The following AMN1 variants were observed in gnomAD, a reference collection of about 807,000 sequenced individuals.
AMN1 encodes antagonist of mitotic exit network 1 homolog.
AMN1 carries 20 observed loss-of-function variants against 33.0 expected under a neutral mutation model. The ratio of observed to expected loss-of-function variants is 0.61; its 90% confidence interval spans 0.43 to 0.88. The LOEUF is 0.88. Among genes scored for constraint, AMN1 ranks in the 40% least tolerant of loss-of-function variants. AMN1 has a pLI of 0.00. For synonymous variants in AMN1, 114 were observed against 111.9 expected, an observed-to-expected ratio of 1.02 and a Z score of -0.12; for missense variants, 246 against 307.4, an observed-to-expected ratio of 0.80 and a Z score of 1.49.
At chr12:31,700,316 T>C (rs1012637337) in intron 3 of AMN1, among the ~76,000 whole-genome samples, 1 of 152,068 alleles carries the variant, frequency 6.6e-6, no homozygotes, top group Non-Finnish European at 1.5e-5. Flanking sequence ...TGAGCCAAGA[T>C]TGTGCCACTG....
Position 31,697,405 on chromosome 12 carries a change from C to A in AMN1, c.547G>T (p.Gly183Cys). The A allele has an allele frequency of 6.2e-7, 1 of 1,612,860 alleles. No homozygotes were observed. The part of the protein sequence containing the change: ...DFSATQVSDS[G>C]VIALVSGPCA... The stretch of plus-strand genomic sequence containing the variant: ...GGTCCACTAACAAGTGCAATCACAC[C>A]ACTGTCAGATACCTAAGCAAAGGGA... Residue 183 changes from glycine to cysteine, a missense_variant, in exon 5 of 7, where the codon GGT (glycine) becomes TGT (cysteine). Coordinates refer to ENST00000281471, the MANE Select transcript of AMN1 (RefSeq NM_001113402.2).
At chr12:31,727,175 G>C (rs770830229) in intron 1 of AMN1, among the ~76,000 whole-genome samples, 2 of 152,080 alleles carry the variant, frequency 1.3e-5, no homozygotes, top group African/African-American at 4.8e-5. Context: ...TTTTCTAACA[G>C]CTGCATAATA....
intron 1 of AMN1, among the ~76,000 whole-genome samples, chr12:31,715,962 C>T (rs537669737): frequency 6.6e-6 from 1 of 152,310 alleles, no homozygotes; most frequent in East Asian, 1.9e-4. Flanking sequence ...TGACAGGTTT[C>T]CTTTTTGTAA....
chr12:31,698,228 CAA>C (rs1217728707), intron 3 of AMN1, among the ~76,000 whole-genome samples: 1 of 152,152 alleles, frequency 6.6e-6, no homozygotes, highest in Admixed American at 6.5e-5. Flanking sequence ...AGGAAATAGG[CAA>C]AAGTCATTCA....
chr12:31,709,098 C>A, intron 2 of AMN1, 195 bp downstream of exon 2: 1 of 653,502 alleles, frequency 1.5e-6, no homozygotes, highest in Admixed American at 2.1e-5. Flanking sequence ...TCACCTAAGT[C>A]CAGGCAGCGG....
At chr12:31,678,203 G>A (rs1410413080) in intron 6 of AMN1, among the ~76,000 whole-genome samples, 2 of 151,886 alleles carry the variant, frequency 1.3e-5, no homozygotes, top group Admixed American at 6.6e-5. Flanking sequence ...CTCCCTTTTC[G>A]TATAGGACTG....
At chr12:31,723,667 C>G (rs1033929791) in intron 1 of AMN1, among the ~76,000 whole-genome samples, 1 of 152,180 alleles carries the variant, frequency 6.6e-6, no homozygotes, top group Non-Finnish European at 1.5e-5. Flanking sequence ...ATGTTTCACA[C>G]CCCTTATCAT....
At chr12:31,726,408 G>C (rs1240050259) in intron 1 of AMN1, among the ~76,000 whole-genome samples, 1 of 152,202 alleles carries the variant, frequency 6.6e-6, no homozygotes, top group Admixed American at 6.5e-5. Context: ...TGATCCACCT[G>C]CCTCAGCCTT....
chr12:31,712,535 C>T (rs540570331), intron 1 of AMN1, among the ~76,000 whole-genome samples: 13 of 152,216 alleles, frequency 8.5e-5, no homozygotes, highest in African/African-American at 1.4e-4. Context: ...CATGAGCCAC[C>T]GTACCCAGCA....
At chr12:31,726,207 A>G (rs997631764) in intron 1 of AMN1, among the ~76,000 whole-genome samples, 1 of 150,394 alleles carries the variant, frequency 6.6e-6, no homozygotes, top group Non-Finnish European at 1.5e-5. Context: ...TGTTGCCCAA[A>G]CTGGAGTGCA....
chr12:31,703,367 G>A (rs1939091383), intron 2 of AMN1, among the ~76,000 whole-genome samples: 1 of 152,210 alleles, frequency 6.6e-6, no homozygotes, highest in Non-Finnish European at 1.5e-5. Flanking sequence ...GCATGATGCT[G>A]AAGTTTAGGC....
At chr12:31,680,018 G>A (rs930662271) in intron 6 of AMN1, among the ~76,000 whole-genome samples, 6 of 150,906 alleles carry the variant, frequency 4.0e-5, no homozygotes, top group African/African-American at 1.5e-4. Flanking sequence ...CCCAACTCAG[G>A]AGGCTGAGAC....
At chr12:31,689,329 T>C (rs1938403884) in intron 5 of AMN1, among the ~76,000 whole-genome samples, 1 of 152,196 alleles carries the variant, frequency 6.6e-6, no homozygotes, top group Non-Finnish European at 1.5e-5. Context: ...TAATGTGTAA[T>C]AGCTATTAAA....
intron 2 of AMN1, among the ~76,000 whole-genome samples, chr12:31,704,957 T>C (rs1355176179): frequency 1.3e-5 from 2 of 152,232 alleles, no homozygotes; most frequent in Admixed American, 6.5e-5. Flanking sequence ...AGTGTCATTA[T>C]GGTTCATCTA....
At chr12:31,714,903 C>T (rs1340060762) in intron 1 of AMN1, 3 of 983,968 alleles carry the variant, frequency 3.0e-6, no homozygotes, top group Non-Finnish European at 3.6e-6. Context: ...GAAGTCACTG[C>T]CACCAACAAC....
chr12:31,708,557 G>C (rs963508755), intron 2 of AMN1: 1 of 153,442 alleles, frequency 6.5e-6, no homozygotes, highest in African/African-American at 2.4e-5. Context: ...AGAAGCATGT[G>C]ATCTTTGCTC....
At chr12:31,682,074 A>G (rs1366371686) in intron 6 of AMN1, among the ~76,000 whole-genome samples, 2 of 152,224 alleles carry the variant, frequency 1.3e-5, no homozygotes, top group Non-Finnish European at 2.9e-5. Context: ...GGGTAATCAA[A>G]AAAGTGTTCT....
rs79862971 is a variant in AMN1 at position 31,687,459 on chromosome 12, G to A, written c.703+1548C>T. Among the ~76,000 whole-genome samples the A allele has an allele frequency of 1.3e-5, 2 of 152,144 alleles. No homozygotes were observed. The highest frequency in any genetic ancestry group is 4.8e-5 in the African/African-American group (2 of 41,440). On this transcript the variant is annotated intron_variant, in intron 6 of 6. Coordinates refer to ENST00000281471, the MANE Select transcript of AMN1 (RefSeq NM_001113402.2). This position sits in a 1 kb window ranked among gnomAD's most constrained non-coding sequence, Gnocchi z 4.1. ...TGATCCCAGCACTTTGGGAGGCTGG[G>A]GTGGGTGGATCATGAGGTCAGGAGC...
chr12:31,695,508 G>C (rs1179218531), intron 5 of AMN1, among the ~76,000 whole-genome samples: 1 of 123,512 alleles, frequency 8.1e-6, no homozygotes, highest in Non-Finnish European at 1.7e-5. Flanking sequence ...TTTTGAGATG[G>C]AGTTTCGCTC....
Sources: gnomAD v4.1 joint callset for allele counts (sites outside exome capture counted in the v4.1 genomes callset) on GRCh38, gnomAD v4.1.1 for gene constraint, Gnocchi (gnomAD v3.1) non-coding constraint, MANE v1.5 for transcripts, NCBI Gene and HGNC (gene_info 2026-07-23, HGNC 2026-07-21) for gene names.